The following SARNP variants were observed in gnomAD, a reference collection of about 807,000 sequenced individuals.
SARNP encodes SAP domain containing ribonucleoprotein, also known as SAP domain-containing ribonucleoprotein.
A neutral mutation model predicts 38.1 loss-of-function variants in SARNP; 5 were observed. That is an observed-to-expected ratio of 0.13 (90% CI 0.07 to 0.28). The LOEUF (loss-of-function observed/expected upper bound fraction) is 0.28, where lower values mean the gene tolerates loss of function less well. Ranked by LOEUF, SARNP falls within the 10% of genes least tolerant of loss-of-function variation. SARNP has a pLI of 1.00. For synonymous variants in SARNP, 84 were observed against 80.6 expected, an observed-to-expected ratio of 1.04 and a Z score of -0.23; for missense variants, 180 against 243.9, an observed-to-expected ratio of 0.74 and a Z score of 1.75.
chr12:55,795,229 G>A (rs1224336995), intron 5 of SARNP, among the ~76,000 whole-genome samples: 1 of 151,986 alleles, frequency 6.6e-6, no homozygotes, highest in Non-Finnish European at 1.5e-5. Flanking sequence ...TAAACTGCTG[G>A]GATTACAAGC....
At chr12:55,773,541 T>C (rs1879072911) in intron 9 of SARNP, among the ~76,000 whole-genome samples, 2 of 152,132 alleles carry the variant, frequency 1.3e-5, no homozygotes, top group African/African-American at 4.8e-5. Context: ...TCTTTCATCA[T>C]AGTTCAATAC....
intron 9 of SARNP, among the ~76,000 whole-genome samples, chr12:55,763,874 G>C (rs1475037365): frequency 1.3e-5 from 2 of 152,154 alleles, no homozygotes; most frequent in East Asian, 3.9e-4. Flanking sequence ...ATAATACGAG[G>C]ATTGGAATCC....
At chr12:55,809,470 G>C (rs1357831918) in intron 1 of SARNP, among the ~76,000 whole-genome samples, 3 of 151,324 alleles carry the variant, frequency 2.0e-5, no homozygotes, top group Admixed American at 6.6e-5. Flanking sequence ...AAAAAAACCA[G>C]CTAGGTAGGC....
intron 1 of SARNP, among the ~76,000 whole-genome samples, chr12:55,805,326 C>T (rs1388237250): frequency 5.9e-5 from 9 of 152,318 alleles, no homozygotes; most frequent in Admixed American, 2.0e-4. Flanking sequence ...GTGAGTGGGG[C>T]GGGCAGGCAG....
intron 10 of SARNP, among the ~76,000 whole-genome samples, 193 bp from the exon 11 acceptor site, chr12:55,757,746 A>G (rs1878556207): frequency 6.6e-6 from 1 of 152,156 alleles, no homozygotes; most frequent in South Asian, 2.1e-4. Context: ...TAGGAGCTGG[A>G]AAGTTTAATG....
intron 1 of SARNP, among the ~76,000 whole-genome samples, chr12:55,809,690 C>G (rs1408956166): frequency 6.6e-6 from 1 of 151,562 alleles, no homozygotes; most frequent in Non-Finnish European, 1.5e-5. Context: ...CTGCAGTAAG[C>G]CATGATCACA....
intron 1 of SARNP, among the ~76,000 whole-genome samples, chr12:55,806,100 T>C (rs926450180): frequency 1.3e-5 from 2 of 150,918 alleles, no homozygotes; most frequent in African/African-American, 4.9e-5. Flanking sequence ...GACTGCAGAG[T>C]GACTGGAGAG....
intron 1 of SARNP, among the ~76,000 whole-genome samples, chr12:55,814,633 G>A (rs1369811431): frequency 6.6e-6 from 1 of 152,154 alleles, no homozygotes; most frequent in Non-Finnish European, 1.5e-5. Flanking sequence ...ACTTTGGGAG[G>A]CCAAGGCAAG....
At chr12:55,760,691 A>G in intron 9 of SARNP, 51 bp from the exon 10 acceptor site, 10 of 1,199,742 alleles carry the variant, frequency 8.3e-6, no homozygotes, top group South Asian at 1.2e-5. Flanking sequence ...CCATTCACCA[A>G]GTAAATGGGA....
chr12:55,785,575 G>A (rs1879467128), intron 9 of SARNP, among the ~76,000 whole-genome samples: 1 of 151,570 alleles, frequency 6.6e-6, no homozygotes, highest in Non-Finnish European at 1.5e-5. Context: ...GATCACTTGA[G>A]GCCAAAGTTG....
intron 9 of SARNP, among the ~76,000 whole-genome samples, chr12:55,784,266 G>A (rs1879424383): frequency 6.6e-6 from 1 of 152,148 alleles, no homozygotes. Context: ...GGCTACACTG[G>A]AACCCAGAAT....
chr12:55,789,143 C>T lies in SARNP; in HGVS notation c.433G>A (p.Val145Ile), dbSNP rs768479579. 3.2e-6 allele frequency: 5 copies of T among 1,583,420 alleles called. No individual in the cohort carries two copies. The highest frequency in any genetic ancestry group is 4.3e-6 in the Non-Finnish European group (5 of 1,167,820). ...KGLSSDNKPM[V>I]NLDKLKERAQ... Reference sequence around the variant, plus strand: ...CTTTCCTTCAGCTTATCCAAGTTAACCTATAAAAACATAGGGGAAAGAACA... The same window carrying T: ...CTTTCCTTCAGCTTATCCAAGTTAATCTATAAAAACATAGGGGAAAGAACA... The change falls in exon 9 of 11, where the codon GTT becomes ATT. Residue 145 changes from valine (V) to isoleucine (I), a missense_variant and splice_region_variant. Coordinates refer to ENST00000336133, the MANE Select transcript of SARNP (RefSeq NM_033082.4).
chr12:55,792,535 C>CTTTTTTT (rs71074859), intron 7 of SARNP: 37 of 103,192 alleles, frequency 3.6e-4, no homozygotes, highest in Non-Finnish European at 5.0e-4. Flanking sequence ...CCACACCCAG[C>CTTTTTTT]TTTTTTTTTT....
At chr12:55,804,208 G>C (rs1880068142) in intron 1 of SARNP, among the ~76,000 whole-genome samples, 4 of 152,166 alleles carry the variant, frequency 2.6e-5, no homozygotes, top group Admixed American at 2.6e-4. Flanking sequence ...GAATTAGGTA[G>C]ATGCATTAGC....
At chr12:55,773,944 G>C (rs187049540) in intron 9 of SARNP, among the ~76,000 whole-genome samples, 2 of 152,102 alleles carry the variant, frequency 1.3e-5, no homozygotes, top group Non-Finnish European at 2.9e-5. Context: ...CTGACCTCAA[G>C]TGATCCACCC....
In SARNP at chr12:55,806,752, C is replaced by A. The variant is rs186433848; in HGVS notation, c.37-3024G>T. ...ACGGGGTTTCACCATATTGGCCAGG[C>A]TGGTCTCGAACTCCTGACCTTGTGA... On this transcript the variant is annotated intron_variant, in intron 1 of 10. Transcript: ENST00000336133. Among the ~76,000 whole-genome samples the A allele has an allele frequency of 1.1e-3, 175 of 152,238 alleles. 7 individuals carry two copies. Among genetic ancestry groups the A allele is most frequent in the Admixed American group, 7.4e-3 (114 of 15,304 alleles).
rs1039649926 is a variant in SARNP at position 55,817,649 on chromosome 12, T to G, written c.36+17A>C. On this transcript the variant is annotated intron_variant, in intron 1 of 10. Transcript: ENST00000336133. ...TCCTAGAAAAGTCCAACTCAGCCCTTCCCCGATTCACGGTACCTTTAGCTT... is the reference window on the plus strand; with the variant it reads ...TCCTAGAAAAGTCCAACTCAGCCCTGCCCCGATTCACGGTACCTTTAGCTT... 1 of 1,609,868 alleles carries G rather than the reference T, an allele frequency of 6.2e-7. No homozygotes were observed. The highest frequency in any genetic ancestry group is 1.7e-5 in the Admixed American group (1 of 59,334).
chr12:55,794,441 G>A lies in SARNP; in HGVS notation c.378-54C>T, dbSNP rs1000298560. 6.7e-6 allele frequency: 10 copies of A among 1,489,860 alleles called. No homozygotes were observed. In the East Asian group the frequency reaches 2.3e-4, roughly 34 times the overall value. 92.3% of individuals were successfully genotyped at this position (1,489,860 alleles called of 1,614,324 possible). On this transcript the variant is annotated intron_variant, in intron 6 of 10. Transcript: ENST00000336133. ...AGGAAGCTGTTCACACTCCTGGTTT[G>A]TCTGTCTCCGTGTCAAGTATACATA...
chr12:55,794,198 G>A, intron 7 of SARNP, 161 bp downstream of exon 7: 1 of 664,590 alleles, frequency 1.5e-6, no homozygotes, highest in Non-Finnish European at 2.7e-6. Context: ...GCCCAGGAAG[G>A]CCTAAGTATA....
Sources: allele counts gnomAD v4.1 joint callset (sites outside exome capture counted in the v4.1 genomes callset), GRCh38; gene constraint gnomAD v4.1.1; transcripts MANE v1.5; gene names NCBI Gene and HGNC (gene_info 2026-07-23, HGNC 2026-07-21).